TEX9: variants seen among roughly 807,000 people sequenced by gnomAD.
TEX9 encodes the protein testis expressed 9.
In TEX9, 74 loss-of-function variants were observed where a neutral mutation model predicts 59.6. That is an observed-to-expected ratio of 1.24 (90% CI 1.03 to 1.51). TEX9 has a LOEUF of 1.51. Among genes scored for constraint, TEX9 ranks in the 40% most tolerant of loss-of-function variants. The pLI, the probability that TEX9 is intolerant of heterozygous loss-of-function variation, is 0.00. For synonymous variants in TEX9, 186 were observed against 152.2 expected (o/e 1.22, Z -1.64); for missense variants, 522 against 447.8 (o/e 1.17, Z -1.49).
intron 1 of TEX9, among the ~76,000 whole-genome samples, chr15:56,245,910 G>C (rs1234977029): frequency 1.3e-5 from 2 of 152,240 alleles, no homozygotes; most frequent in Middle Eastern, 3.4e-3. Context: ...GTTGAGGAAA[G>C]TTGCCAAGTT....
chr15:56,434,051 A>T, intron 12 of TEX9: 1 of 1,382,514 alleles, frequency 7.2e-7, no homozygotes. Context: ...TGGCATATAA[A>T]GCTTCTCAGT....
chr15:56,424,482 T>G (rs1368062701), intron 10 of TEX9, among the ~76,000 whole-genome samples: 5 of 152,202 alleles, frequency 3.3e-5, no homozygotes, highest in African/African-American at 1.2e-4. Context: ...TTTGTCCATT[T>G]ACATTTAAAG....
intron 4 of TEX9, among the ~76,000 whole-genome samples, chr15:56,388,123 G>T (rs17819438): frequency 0.34 from 51,593 of 151,760 alleles, 10,223 homozygotes; most frequent in Non-Finnish European, 0.44. Context: ...CAGTAACATT[G>T]AGTGGGCTTA....
chr15:56,331,233 T>C (rs2046133366), intron 1 of TEX9, among the ~76,000 whole-genome samples: 1 of 152,124 alleles, frequency 6.6e-6, no homozygotes, highest in Non-Finnish European at 1.5e-5. Context: ...ACTTTCAGCA[T>C]TGGACAGATC....
At chr15:56,370,717 C>G (rs915974286) in intron 2 of TEX9, among the ~76,000 whole-genome samples, 2 of 152,150 alleles carry the variant, frequency 1.3e-5, no homozygotes, top group South Asian at 2.1e-4. Flanking sequence ...AGGGAGTACT[C>G]TCTTTAAAAT....
chr15:56,248,360 A>G (rs1372649350), intron 1 of TEX9, among the ~76,000 whole-genome samples: 4 of 152,252 alleles, frequency 2.6e-5, no homozygotes, highest in Admixed American at 1.3e-4. Flanking sequence ...TGTATAGCCC[A>G]GTGTTAAGGC....
chr15:56,453,911 C>T, the TEX9 span, among the ~76,000 whole-genome samples: 1 of 152,014 alleles, frequency 6.6e-6, no homozygotes, highest in African/African-American at 2.4e-5. Flanking sequence ...ATTAAAAAAG[C>T]TAAATCTTAA....
upstream of TEX9, among the ~76,000 whole-genome samples, chr15:56,363,373 T>C (rs1318674879): frequency 7.2e-5 from 11 of 152,026 alleles, no homozygotes; most frequent in African/African-American, 2.7e-4. Context: ...TTCACCATGT[T>C]GGCCAGGCTG....
chr15:56,317,905 A>G (rs1431352412), intron 1 of TEX9, among the ~76,000 whole-genome samples: 2 of 152,160 alleles, frequency 1.3e-5, no homozygotes, highest in Non-Finnish European at 2.9e-5. Context: ...GGCCTAACAT[A>G]TGATCTTTTC....
At chr15:56,345,882 C>A (rs1180771711) in intron 1 of TEX9, among the ~76,000 whole-genome samples, 4 of 152,120 alleles carry the variant, frequency 2.6e-5, no homozygotes, top group Admixed American at 1.3e-4. Context: ...GTTGTAGGAG[C>A]CAATGGATGT....
At chr15:56,307,624 C>T (rs1326510785) in intron 1 of TEX9, among the ~76,000 whole-genome samples, 1 of 152,142 alleles carries the variant, frequency 6.6e-6, no homozygotes, top group African/African-American at 2.4e-5. Flanking sequence ...TTAAATCATT[C>T]AATGCAGTGG....
intron 1 of TEX9, among the ~76,000 whole-genome samples, chr15:56,253,252 T>A (rs192862667): frequency 1.3e-5 from 2 of 151,858 alleles, no homozygotes; most frequent in Non-Finnish European, 2.9e-5. Flanking sequence ...AGAGGCACCA[T>A]TGGATGGCAA....
intron 1 of TEX9, among the ~76,000 whole-genome samples, chr15:56,250,761 GA>G (rs1222976267): frequency 5.7e-4 from 82 of 144,740 alleles, no homozygotes; most frequent in East Asian, 1.2e-3. Context: ...CTTCCTTAGG[GA>G]AAAAAAAAAA....
At chr15:56,434,084 G>A (rs2050672596) in intron 12 of TEX9, 35 of 1,540,562 alleles carry the variant, frequency 2.3e-5, no homozygotes, top group Non-Finnish European at 2.9e-5. Flanking sequence ...GATGATAGAT[G>A]AGCTATTGCT....
chr15:56,325,981 C>G (rs2046011936), intron 1 of TEX9, among the ~76,000 whole-genome samples: 2 of 152,182 alleles, frequency 1.3e-5, no homozygotes, highest in African/African-American at 4.8e-5. Flanking sequence ...TTATTTAACA[C>G]TCCAGGTATC....
chr15:56,434,183 C>T, intron 12 of TEX9: 3 of 1,613,662 alleles, frequency 1.9e-6, no homozygotes, highest in Admixed American at 1.7e-5. Flanking sequence ...TAAGTTTTTC[C>T]ACAGCCCTCC....
intron 3 of TEX9, chr15:56,374,374 A>C (rs943201479): frequency 6.6e-6 from 1 of 152,116 alleles, no homozygotes; most frequent in Non-Finnish European, 1.5e-5. Flanking sequence ...TCTCATATTT[A>C]ATTTTTATTT....
intron 3 of TEX9, among the ~76,000 whole-genome samples, chr15:56,377,242 T>A (rs180702480): frequency 6.6e-6 from 1 of 152,310 alleles, no homozygotes; most frequent in East Asian, 1.9e-4. Flanking sequence ...ATTCTGAGTC[T>A]GTTGTGGTTC....
chr15:56,305,156 A>G (rs186487984), intron 1 of TEX9, among the ~76,000 whole-genome samples: 10 of 152,310 alleles, frequency 6.6e-5, no homozygotes, highest in South Asian at 2.1e-4. Context: ...AAAATATTCT[A>G]TGTTCATGGA....
Sources: gnomAD v4.1 joint callset for allele counts (sites outside exome capture counted in the v4.1 genomes callset) on GRCh38, gnomAD v4.1.1 for gene constraint, MANE v1.5 for transcripts, NCBI Gene and HGNC (gene_info 2026-07-23, HGNC 2026-07-21) for gene names.